Variants in TET2 observed in about 807,000 individuals in gnomAD.
TET2 encodes tet methylcytosine dioxygenase 2, also known as methylcytosine dioxygenase TET2.
TET2 carries 299 observed loss-of-function variants against 142.9 expected under a neutral mutation model. That is an observed-to-expected ratio of 2.09 (90% CI 1.90 to 2.30). The LOEUF is 2.30. TET2 is among the 30% of genes most tolerant of loss of function. The probability of loss-of-function intolerance (pLI) is 0.00; values close to 1 mark genes in which losing one functional copy is unlikely to be tolerated. For synonymous variants in TET2, 819 were observed against 849.0 expected (o/e 0.96, Z 0.61); for missense variants, 2,418 against 2,378.0 (o/e 1.02, Z -0.35).
chr4:105,247,918 C>T (rs772086920), intron 6 of TET2, among the ~76,000 whole-genome samples: 17 of 151,886 alleles, frequency 1.1e-4, no homozygotes, highest in Non-Finnish European at 2.4e-4. Context: ...GACGGGGTTT[C>T]GCCATGTTGG....
chr4:105,182,852 A>G (rs904117457), intron 1 of TET2, among the ~76,000 whole-genome samples: 3 of 152,166 alleles, frequency 2.0e-5, no homozygotes, highest in Non-Finnish European at 2.9e-5. Flanking sequence ...TATTCATGAT[A>G]TTAATGTAAT....
intron 2 of TET2, among the ~76,000 whole-genome samples, chr4:105,210,810 C>T (rs181280389): frequency 6.6e-6 from 1 of 152,294 alleles, no homozygotes; most frequent in East Asian, 1.9e-4. Flanking sequence ...TTCTCTAGTT[C>T]AGGACATTCT....
At chr4:105,272,963 A>G in intron 10 of TET2, 45 bp downstream of exon 10, 2 of 1,426,320 alleles carry the variant, frequency 1.4e-6, no homozygotes, top group East Asian at 2.5e-5. Flanking sequence ...GTTGTGTGGT[A>G]TATTAAAAAT....
intron 2 of TET2, among the ~76,000 whole-genome samples, chr4:105,232,054 CTGT>C (rs1728538948): frequency 6.6e-6 from 1 of 152,144 alleles, no homozygotes; most frequent in East Asian, 1.9e-4. Flanking sequence ...TCCCTGCTGT[CTGT>C]TGTTCCCCCT....
In TET2 at chr4:105,164,234, C is replaced by T. The variant is rs547144679; in HGVS notation, c.-193+17255C>T. 5.9e-5 allele frequency among the ~76,000 whole-genome samples: 9 copies of T among 152,264 alleles called. No homozygotes were observed. In the South Asian group the frequency reaches 1.0e-3, roughly 18 times the overall value. On this transcript the variant is annotated intron_variant, in intron 1 of 10. Coordinates refer to ENST00000380013, the MANE Select transcript of TET2 (RefSeq NM_001127208.3). ...ATGGCAACCACCATGTTACTCTCTG[C>T]GTTTATGAGTTCGACTTCTTTAGAT...
In TET2 at chr4:105,276,109, A is replaced by G. The variant is rs1731208938; in HGVS notation, c.5599A>G (p.Thr1867Ala). 1.9e-6 allele frequency: 3 copies of G among 1,551,474 alleles called. No homozygotes were observed. The highest frequency in any genetic ancestry group is 2.0e-5 in the Admixed American group (1 of 50,976). The change falls in exon 11 of 11, where the codon ACT becomes GCT. Residue 1867 changes from threonine to alanine, a missense_variant. Physicochemically the swap from Thr to Ala is moderately conservative, Grantham distance 58. Coordinates refer to ENST00000380013, the MANE Select transcript of TET2 (RefSeq NM_001127208.3). Reference protein sequence around the residue: ...PDIGGVAVAPTHGSILIECAK... With the variant: ...PDIGGVAVAPAHGSILIECAK... The stretch of plus-strand genomic sequence containing the variant: ...CATTGGGGGAGTGGCCGTGGCTCCA[A>G]CTCATGGGTCAATTCTCATTGAGTG...
At chr4:105,176,077 G>A (rs1027623690) in intron 1 of TET2, among the ~76,000 whole-genome samples, 15 of 152,064 alleles carry the variant, frequency 9.9e-5, no homozygotes, top group African/African-American at 3.1e-4. Flanking sequence ...TTAGAGAGAG[G>A]TAAAATGATA....
intron 1 of TET2, among the ~76,000 whole-genome samples, chr4:105,181,571 G>A (rs1725124072): frequency 6.6e-6 from 1 of 152,088 alleles, no homozygotes; most frequent in Non-Finnish European, 1.5e-5. Flanking sequence ...ATAAAAAATG[G>A]TTTAAAACTT....
chr4:105,165,102 TG>T (rs1724084421), intron 1 of TET2, among the ~76,000 whole-genome samples: 1 of 152,090 alleles, frequency 6.6e-6, no homozygotes, highest in Non-Finnish European at 1.5e-5. Flanking sequence ...TAGCCGGGTG[TG>T]GTGGCTCAGA....
intron 9 of TET2, among the ~76,000 whole-genome samples, chr4:105,272,246 T>C (rs932390154): frequency 6.6e-6 from 1 of 152,114 alleles, no homozygotes; most frequent in Non-Finnish European, 1.5e-5. Flanking sequence ...AGAGAGTGCT[T>C]CATTTTGGGG....
chr4:105,253,429 G>T (rs1729969218), intron 6 of TET2, among the ~76,000 whole-genome samples: 1 of 151,930 alleles, frequency 6.6e-6, no homozygotes, highest in South Asian at 2.1e-4. Flanking sequence ...GGGTGCTAAT[G>T]GTAATGTATT....
intron 6 of TET2, 81 bp downstream of exon 6, chr4:105,243,859 A>G (rs1729447309): frequency 1.6e-6 from 2 of 1,288,562 alleles, no homozygotes; most frequent in African/African-American, 1.5e-5. Context: ...AAGAGAGTTC[A>G]GCGTGCACTT....
In TET2 at chr4:105,235,002, TC is replaced by T; in HGVS notation, c.1061del (p.Ser354Ter). On this transcript the variant is annotated frameshift_variant, in exon 3 of 11. Transcript: ENST00000380013. LOFTEE classifies it high-confidence loss of function. ...GCTAGCGTCTGGTGAAGAATTCTGT[TC>T]AGGTTCCAGCAGCAATTTGCAAGCT... is the stretch of plus-strand genomic sequence containing the variant. ...TKLASGEEFC[S>X]GSSSNLQAPG... 6.2e-7 allele frequency: 1 copy of T among 1,614,088 alleles called. No homozygotes were observed. The highest frequency in any genetic ancestry group is 1.7e-5 in the Admixed American group (1 of 60,006).
At chr4:105,181,623 C>T (rs1578571940) in intron 1 of TET2, among the ~76,000 whole-genome samples, 1 of 152,172 alleles carries the variant, frequency 6.6e-6, no homozygotes, top group East Asian at 1.9e-4. Flanking sequence ...ACATCTGTAA[C>T]CCCTGCCCCA....
chr4:105,233,601 A>G lies in TET2; in HGVS notation c.-46-296A>G, dbSNP rs1728639993. On this transcript the variant is annotated intron_variant, in intron 2 of 10. Coordinates refer to ENST00000380013, the MANE Select transcript of TET2 (RefSeq NM_001127208.3). ...CATTTTGGCAAAAAATTATTTAGGAATGAAATTGATGCTAGTAACTAAGAG... is the reference window on the plus strand; with the variant it reads ...CATTTTGGCAAAAAATTATTTAGGAGTGAAATTGATGCTAGTAACTAAGAG... Among the ~76,000 whole-genome samples, 4 of 152,134 alleles carry G rather than the reference A, an allele frequency of 2.6e-5. No homozygotes were observed. The South Asian group carries it at 8.3e-4, about 32-fold the overall frequency.
In TET2 at chr4:105,235,870, C is replaced by G. The variant is rs1455445779; in HGVS notation, c.1928C>G (p.Ser643Cys). The stretch of plus-strand genomic sequence containing the variant: ...CAAGTTGAAATGAATCAAGGGCAGT[C>G]CCAAGGTACAGTGGACCAACATCTC... ...MYQVEMNQGQSQGTVDQHLQF... is the reference protein window; with the variant it reads ...MYQVEMNQGQCQGTVDQHLQF... The change falls in exon 3 of 11, where the codon TCC becomes TGC. Residue 643 changes from serine (S) to cysteine (C), a missense_variant. Physicochemically the swap from Ser to Cys is moderately radical, Grantham distance 112 (BLOSUM62 -1). Coordinates refer to ENST00000380013, the MANE Select transcript of TET2 (RefSeq NM_001127208.3). 1 of 1,613,922 alleles carries G rather than the reference C, an allele frequency of 6.2e-7. No individual in the cohort carries two copies. The highest frequency in any genetic ancestry group is 1.7e-5 in the Admixed American group (1 of 59,942).
At chr4:105,153,907 A>G (rs543558580) in intron 1 of TET2, among the ~76,000 whole-genome samples, 2 of 152,366 alleles carry the variant, frequency 1.3e-5, no homozygotes, top group East Asian at 3.9e-4. Context: ...GAAACAACCC[A>G]GATGTCTATC....
intron 1 of TET2, among the ~76,000 whole-genome samples, chr4:105,168,060 G>A (rs1456812918): frequency 1.3e-5 from 2 of 152,116 alleles, no homozygotes; most frequent in African/African-American, 4.8e-5. Context: ...ACCTTCATGT[G>A]TTACTTTGAA....
chr4:105,230,697 C>T (rs192940513), intron 2 of TET2, among the ~76,000 whole-genome samples: 23 of 152,192 alleles, frequency 1.5e-4, no homozygotes, highest in East Asian at 1.4e-3. Flanking sequence ...TATTTGTAGG[C>T]GTCCTATATG....
Sources: allele counts gnomAD v4.1 joint callset (sites outside exome capture counted in the v4.1 genomes callset), GRCh38; gene constraint gnomAD v4.1.1; transcripts MANE v1.5; gene names NCBI Gene and HGNC (gene_info 2026-07-23, HGNC 2026-07-21).